STRN: variants seen among roughly 807,000 people sequenced by gnomAD.
STRN encodes the protein protein phosphatase 2 regulatory subunit B'''alpha.
Under a neutral mutation model 96.3 loss-of-function variants are expected in STRN, and 53 were observed. That is an observed-to-expected ratio of 0.55 (90% CI 0.44 to 0.69). The LOEUF is 0.69. Ranked by LOEUF, STRN falls within the 30% of genes least tolerant of loss-of-function variation. STRN has a pLI of 0.00. For missense variants in STRN, 987 were observed against 963.9 expected, an observed-to-expected ratio of 1.02 and a Z score of -0.32; for synonymous variants, 428 against 355.9, an observed-to-expected ratio of 1.20 and a Z score of -2.28.
At chr2:36,894,741 C>T (rs529339339) in intron 6 of STRN, among the ~76,000 whole-genome samples, 2 of 152,292 alleles carry the variant, frequency 1.3e-5, no homozygotes, top group South Asian at 2.1e-4. Context: ...CAAATGTTAT[C>T]GCTGGGCTAT....
chr2:36,868,279 T>C (rs1668679082), intron 11 of STRN, among the ~76,000 whole-genome samples: 1 of 152,076 alleles, frequency 6.6e-6, no homozygotes, highest in Admixed American at 6.6e-5. Flanking sequence ...CACCAAATAA[T>C]CACAGGATTA....
chr2:36,863,034 T>G (rs990725039), intron 12 of STRN, among the ~76,000 whole-genome samples: 1 of 152,206 alleles, frequency 6.6e-6, no homozygotes, highest in African/African-American at 2.4e-5. Context: ...GCTTTTAGCT[T>G]GTTAATTTGT....
chr2:36,877,290 C>G (rs1668940101), intron 10 of STRN, among the ~76,000 whole-genome samples: 1 of 152,036 alleles, frequency 6.6e-6, no homozygotes, highest in African/African-American at 2.4e-5. Flanking sequence ...TGCTGGTGCC[C>G]TAAAAAAGAA....
chr2:36,861,155 T>C lies in STRN; in HGVS notation c.1646A>G (p.Asn549Ser), dbSNP rs112595766. Residue 549 changes from asparagine to serine, a missense_variant, in exon 13 of 18, where the codon AAC becomes AGC. Asn to Ser is a conservative substitution (Grantham distance 46). Transcript: ENST00000263918. The stretch of plus-strand genomic sequence containing the variant: ...ACCATAAGAATCATAGGGGTCGATG[T>C]TGGGATTAGTGGTATTCCAGCCCTG... ...LIQGWNTTNP[N>S]IDPYDSYDPS... 632 of 1,613,900 alleles carry C rather than the reference T, an allele frequency of 3.9e-4. No individual in the cohort carries two copies. The highest frequency in any genetic ancestry group is 5.2e-4 in the Non-Finnish European group (614 of 1,179,964).
At chr2:36,869,486 A>C in intron 11 of STRN, 68 bp downstream of exon 11, 1 of 1,267,432 alleles carries the variant, frequency 7.9e-7, no homozygotes, top group Non-Finnish European at 1.0e-6. Flanking sequence ...GAAATCATAA[A>C]ATATGTAGTT....
At chr2:36,913,427 A>G (rs1030487493) in intron 3 of STRN, among the ~76,000 whole-genome samples, 3 of 152,108 alleles carry the variant, frequency 2.0e-5, no homozygotes, top group Non-Finnish European at 4.4e-5. Context: ...CCCACCTCCC[A>G]TTCAACAAAT....
Position 36,850,967 on chromosome 2 carries a change from TTTAATAAAAATCAA to T in STRN, c.2086+19_2086+32del. 2 of 1,410,408 alleles carry T rather than the reference TTTAATAAAAATCAA, an allele frequency of 1.4e-6. No homozygotes were observed. Among genetic ancestry groups the T allele is most frequent in the South Asian group, 1.3e-5 (1 of 78,818 alleles). The allele number at this position is 1,410,408 out of a possible 1,614,324, so 87.4% of individuals were successfully genotyped here. A position where few individuals can be genotyped will look rare whatever the true frequency, so the allele number is the denominator to read the frequency against. ...TGTGGTAGGGATTTTTTTTTTTTGC[TTTAATAAAAATCAA>T]TTCTTAATAAATTCTTACCTGTATT... On this transcript the variant is annotated intron_variant, in intron 16 of 17. Coordinates refer to ENST00000263918, the MANE Select transcript of STRN (RefSeq NM_003162.4).
intron 1 of STRN, among the ~76,000 whole-genome samples, chr2:36,953,627 C>G (rs556842502): frequency 7.9e-5 from 12 of 152,272 alleles, no homozygotes; most frequent in African/African-American, 2.4e-4. Flanking sequence ...TGGTCTCGAT[C>G]TCCTGACCTC....
chr2:36,867,471 T>G (rs1668659008), intron 12 of STRN: 1 of 170,756 alleles, frequency 5.9e-6, no homozygotes, highest in South Asian at 1.9e-4. Flanking sequence ...TCTTTCCAAT[T>G]GTAGGGTATC....
At chr2:36,926,113 C>A (rs1246015349) in intron 1 of STRN, among the ~76,000 whole-genome samples, 2 of 152,252 alleles carry the variant, frequency 1.3e-5, no homozygotes, top group African/African-American at 4.8e-5. Flanking sequence ...GGCCTTCTGC[C>A]CATTCCTGCC....
chr2:36,875,884 CTT>C (rs762077552), intron 10 of STRN, among the ~76,000 whole-genome samples: 128 of 152,144 alleles, frequency 8.4e-4, no homozygotes, highest in Non-Finnish European at 1.5e-3. Flanking sequence ...GTCTCGATCT[CTT>C]GACCTCGTGA....
intron 6 of STRN, among the ~76,000 whole-genome samples, chr2:36,894,235 T>A (rs1405416651): frequency 6.6e-6 from 1 of 152,208 alleles, no homozygotes; most frequent in Non-Finnish European, 1.5e-5. Context: ...CTCAACGGTA[T>A]TATGGCTTGT....
chr2:36,871,715 T>C (rs1558630684), intron 10 of STRN, among the ~76,000 whole-genome samples: 1 of 152,166 alleles, frequency 6.6e-6, no homozygotes, highest in Admixed American at 6.5e-5. Context: ...GTCCTCAAAA[T>C]ACCTCTATGA....
Position 36,867,661 on chromosome 2 carries a change from C to T in STRN, c.1547+153G>A, listed in dbSNP as rs75915538. On this transcript the variant is annotated intron_variant, in intron 12 of 17. Coordinates refer to ENST00000263918, the MANE Select transcript of STRN (RefSeq NM_003162.4). ...ATCCCTACTTGGCAATGATGAACTT[C>T]GTTTTAGCATTATATTATCTGTCAA... Among the ~76,000 whole-genome samples, 5,743 of 152,034 alleles carry T rather than the reference C, an allele frequency of 0.038. 165 individuals are homozygous for T. The highest frequency in any genetic ancestry group is 0.13 in the East Asian group (660 of 5,168).
intron 3 of STRN, among the ~76,000 whole-genome samples, chr2:36,908,916 G>A (rs1304704175): frequency 6.6e-6 from 1 of 152,126 alleles, no homozygotes; most frequent in Non-Finnish European, 1.5e-5. Context: ...GGGAGGCAGA[G>A]GTTGCAGTGA....
chr2:36,856,230 G>C (rs900523249), intron 14 of STRN, among the ~76,000 whole-genome samples: 1 of 152,250 alleles, frequency 6.6e-6, no homozygotes, highest in Non-Finnish European at 1.5e-5. Flanking sequence ...GTGTAAAATG[G>C]TACAACTACA....
chr2:36,849,350 G>T lies in STRN; in HGVS notation c.*106C>A. The T allele has an allele frequency of 1.5e-6, 2 of 1,305,792 alleles. No individual in the cohort carries two copies. Among genetic ancestry groups the T allele is most frequent in the Non-Finnish European group, 2.1e-6 (2 of 944,828 alleles). The allele number at this position is 1,305,792 out of a possible 1,614,324, so 80.9% of individuals were successfully genotyped here. A position where few individuals can be genotyped will look rare whatever the true frequency, so the allele number is the denominator to read the frequency against. ...AACAAATGTTCTCTGTGCTCCTTCA[G>T]CAGAACAAAAGGGCAGGACGAGATG... On this transcript the variant is annotated 3_prime_UTR_variant, in exon 18 of 18. Coordinates refer to ENST00000263918, the MANE Select transcript of STRN (RefSeq NM_003162.4).
chr2:36,869,476 G>C, intron 11 of STRN, 78 bp downstream of exon 11: 1 of 1,236,008 alleles, frequency 8.1e-7, no homozygotes. Context: ...AAATTTAACA[G>C]AAATCATAAA....
intron 2 of STRN, 106 bp downstream of exon 2, chr2:36,924,999 T>G (rs1572679062): frequency 1.0e-6 from 1 of 959,138 alleles, no homozygotes; most frequent in South Asian, 1.5e-5. Flanking sequence ...GAGGTCGCGG[T>G]GAGCCAAGAT....
Sources: allele counts gnomAD v4.1 joint callset (sites outside exome capture counted in the v4.1 genomes callset), GRCh38; gene constraint gnomAD v4.1.1; transcripts MANE v1.5; gene names NCBI Gene and HGNC (gene_info 2026-07-23, HGNC 2026-07-21).